TMEM163: variants seen among roughly 807,000 people sequenced by gnomAD.
TMEM163 encodes the protein transmembrane protein 163.
In TMEM163, 17 loss-of-function variants were observed where a neutral mutation model predicts 29.3. That is an observed-to-expected ratio of 0.58 (90% confidence interval 0.40 to 0.87). TMEM163 has a LOEUF of 0.87. TMEM163 is among the 40% of genes least tolerant of loss of function. The probability of loss-of-function intolerance (pLI) is 0.00; values close to 1 mark genes in which losing one functional copy is unlikely to be tolerated. For synonymous variants in TMEM163, 157 were observed against 160.6 expected, an observed-to-expected ratio of 0.98 and a Z score of 0.17; for missense variants, 303 against 381.5, an observed-to-expected ratio of 0.79 and a Z score of 1.71.
intron 2 of TMEM163, among the ~76,000 whole-genome samples, chr2:134,639,061 A>G (rs10928507): frequency 0.47 from 72,014 of 151,938 alleles, 18,009 homozygotes; most frequent in Non-Finnish European, 0.56. Flanking sequence ...GTTCACCAAC[A>G]TTTAAGGAGG....
chr2:134,593,327 T>C (rs1031028848), intron 2 of TMEM163, among the ~76,000 whole-genome samples: 3 of 152,210 alleles, frequency 2.0e-5, no homozygotes, highest in African/African-American at 4.8e-5. Flanking sequence ...AGCCCCTTTC[T>C]GTAGAGCACA....
At chr2:134,671,860 G>C (rs1038369348) in intron 2 of TMEM163, among the ~76,000 whole-genome samples, 1 of 152,178 alleles carries the variant, frequency 6.6e-6, no homozygotes, top group Non-Finnish European at 1.5e-5. Context: ...TCTGGAACTT[G>C]GCTGACTCAT....
intron 6 of TMEM163, among the ~76,000 whole-genome samples, chr2:134,459,522 C>T (rs1201829153): frequency 1.3e-5 from 2 of 152,118 alleles, no homozygotes; most frequent in African/African-American, 2.4e-5. Context: ...AACCCACCTT[C>T]CCATCCCCAG....
At chr2:134,651,545 T>G (rs1683479598) in intron 2 of TMEM163, among the ~76,000 whole-genome samples, 1 of 125,136 alleles carries the variant, frequency 8.0e-6, no homozygotes, top group South Asian at 2.8e-4. Flanking sequence ...GCTCTTTAGT[T>G]TAATTAGATC....
intron 2 of TMEM163, among the ~76,000 whole-genome samples, chr2:134,674,494 C>T (rs1404030594): frequency 1.2e-3 from 98 of 85,062 alleles, no homozygotes; most frequent in African/African-American, 5.6e-3. Flanking sequence ...CAGGCGCGCG[C>T]GCGCGCGCGC....
At chr2:134,679,190 T>C (rs1462792956) in intron 2 of TMEM163, among the ~76,000 whole-genome samples, 2 of 152,210 alleles carry the variant, frequency 1.3e-5, no homozygotes, top group South Asian at 2.1e-4. Context: ...GGTAAGGGGC[T>C]TGGGCAGTGG....
At chr2:134,596,135 T>C (rs1001405399) in intron 2 of TMEM163, among the ~76,000 whole-genome samples, 1 of 152,252 alleles carries the variant, frequency 6.6e-6, no homozygotes, top group African/African-American at 2.4e-5. Flanking sequence ...CATTTGTCAA[T>C]TTTGGCTTTT....
intron 2 of TMEM163, among the ~76,000 whole-genome samples, chr2:134,615,784 G>A (rs13418082): frequency 6.6e-6 from 1 of 151,186 alleles, no homozygotes; most frequent in African/African-American, 2.4e-5. Context: ...AGCCACCTGA[G>A]TAGCTGGGAT....
At chr2:134,642,340 G>T (rs1367171344) in intron 2 of TMEM163, among the ~76,000 whole-genome samples, 1 of 152,074 alleles carries the variant, frequency 6.6e-6, no homozygotes, top group Non-Finnish European at 1.5e-5. Flanking sequence ...ATGTCGGCCA[G>T]GTTGGTCTCG....
intron 2 of TMEM163, among the ~76,000 whole-genome samples, chr2:134,571,851 T>C (rs998018998): frequency 3.3e-5 from 5 of 152,168 alleles, no homozygotes; most frequent in East Asian, 1.9e-4. Flanking sequence ...GCTTGTTGCA[T>C]AGGTCATATA....
chr2:134,572,910 G>A (rs532838981), intron 2 of TMEM163, among the ~76,000 whole-genome samples: 3 of 152,258 alleles, frequency 2.0e-5, no homozygotes, highest in East Asian at 1.9e-4. Context: ...TGATTTATAC[G>A]CATCCTCTTT....
chr2:134,461,226 G>A (rs1352320762), intron 6 of TMEM163, among the ~76,000 whole-genome samples: 1 of 152,226 alleles, frequency 6.6e-6, no homozygotes, highest in African/African-American at 2.4e-5. Flanking sequence ...AGGCCATCCT[G>A]ATTACAGCTC....
intron 2 of TMEM163, 67 bp from the exon 3 acceptor site, chr2:134,552,158 A>G (rs1365851856): frequency 3.2e-6 from 4 of 1,268,130 alleles, no homozygotes; most frequent in Non-Finnish European, 3.4e-6. Flanking sequence ...ATATTAATAC[A>G]TTACATGGCC....
intron 6 of TMEM163, 30 bp downstream of exon 6, chr2:134,466,084 C>T (rs1430946473): frequency 2.0e-5 from 31 of 1,538,466 alleles, no homozygotes; most frequent in Non-Finnish European, 2.8e-5. Context: ...AGCCCAGCCC[C>T]CAGAGATTAG....
chr2:134,615,725 C>T (rs1168035829), intron 2 of TMEM163, among the ~76,000 whole-genome samples: 7 of 142,814 alleles, frequency 4.9e-5, no homozygotes, highest in Non-Finnish European at 7.5e-5. Flanking sequence ...GGCGCAATCT[C>T]GGCTCACTGC....
intron 4 of TMEM163, among the ~76,000 whole-genome samples, chr2:134,512,163 A>T (rs983911467): frequency 1.3e-5 from 2 of 152,168 alleles, no homozygotes; most frequent in Non-Finnish European, 2.9e-5. Flanking sequence ...ATCACACAAA[A>T]ATATTCCTAG....
At chr2:134,621,415 C>T (rs1354874990) in intron 2 of TMEM163, among the ~76,000 whole-genome samples, 1 of 152,184 alleles carries the variant, frequency 6.6e-6, no homozygotes, top group Non-Finnish European at 1.5e-5. Context: ...ACCAGTTTGA[C>T]AGTTTCTAAA....
At chr2:134,685,709 AAC>A (rs1684336553) in intron 2 of TMEM163, among the ~76,000 whole-genome samples, 5 of 152,316 alleles carry the variant, frequency 3.3e-5, no homozygotes, top group Middle Eastern at 3.4e-3. Context: ...ACATGGAAGA[AAC>A]ACCACCAAAA....
intron 2 of TMEM163, among the ~76,000 whole-genome samples, chr2:134,600,196 G>A (rs1050478264): frequency 3.3e-5 from 5 of 152,170 alleles, no homozygotes; most frequent in African/African-American, 1.2e-4. Context: ...GTGACATGAG[G>A]TCTATATAAG....
Sources: allele counts gnomAD v4.1 joint callset (sites outside exome capture counted in the v4.1 genomes callset), GRCh38; gene constraint gnomAD v4.1.1; transcripts MANE v1.5; gene names NCBI Gene and HGNC (gene_info 2026-07-23, HGNC 2026-07-21).